The following CDH8 variants were observed in gnomAD, a reference collection of about 807,000 sequenced individuals.
CDH8 encodes cadherin 8.
In CDH8, 17 loss-of-function variants were observed where a neutral mutation model predicts 68.1. That is an observed-to-expected ratio of 0.25 (90% CI 0.17 to 0.37). The LOEUF is 0.37. CDH8 is among the 10% of genes least tolerant of loss of function. The probability of loss-of-function intolerance (pLI) is 1.00; values close to 1 mark genes in which losing one functional copy is unlikely to be tolerated. For synonymous variants in CDH8, 372 were observed against 365.1 expected (o/e 1.02, Z -0.21); for missense variants, 763 against 999.3 (o/e 0.76, Z 3.19).
At chr16:61,799,914 C>G (rs35056378) in intron 7 of CDH8, among the ~76,000 whole-genome samples, 5 of 151,928 alleles carry the variant, frequency 3.3e-5, no homozygotes, top group African/African-American at 7.2e-5. Context: ...TTTCCCCCCC[C>G]CAAAGACAAG....
chr16:61,905,068 T>A (rs906473927), intron 2 of CDH8, among the ~76,000 whole-genome samples: 1 of 152,252 alleles, frequency 6.6e-6, no homozygotes, highest in Non-Finnish European at 1.5e-5. Context: ...TTTTCCAGTC[T>A]GTAGAAAAAT....
chr16:61,917,062 A>AGTGTGTGTGTGTGT (rs57232370), intron 2 of CDH8, among the ~76,000 whole-genome samples: 4 of 137,390 alleles, frequency 2.9e-5, no homozygotes, highest in East Asian at 2.2e-4. Context: ...TTTACCTATT[A>AGTGTGTGTGTGTGT]GTGTGTGTGT....
intron 8 of CDH8, among the ~76,000 whole-genome samples, chr16:61,740,153 G>A (rs140663152): frequency 0.14 from 21,099 of 151,500 alleles, 1,722 homozygotes; most frequent in Non-Finnish European, 0.17. Flanking sequence ...TGGTCTGCCC[G>A]CCTTGGCCTC....
chr16:61,654,126 G>A (rs1461227328), intron 11 of CDH8, 25 bp from the exon 12 acceptor site: 1 of 1,593,506 alleles, frequency 6.3e-7, no homozygotes, highest in Non-Finnish European at 8.6e-7. Flanking sequence ...TTAAATAACA[G>A]TCAGCCAAAC....
At chr16:61,778,723 C>T (rs548887599) in intron 8 of CDH8, among the ~76,000 whole-genome samples, 24 of 152,096 alleles carry the variant, frequency 1.6e-4, no homozygotes, top group East Asian at 3.9e-4. Flanking sequence ...CGTTCACAGA[C>T]GAGGAAACTG....
At chr16:62,031,052 C>A (rs1902313459) in intron 1 of CDH8, among the ~76,000 whole-genome samples, 2 of 152,130 alleles carry the variant, frequency 1.3e-5, no homozygotes, top group Non-Finnish European at 2.9e-5. Context: ...CAACAATGTA[C>A]AGACATTGAG....
chr16:62,025,020 G>A (rs766827195), intron 1 of CDH8, among the ~76,000 whole-genome samples: 3 of 152,146 alleles, frequency 2.0e-5, no homozygotes, highest in Non-Finnish European at 2.9e-5. Context: ...TCACTGAAAC[G>A]TAGTCTTAGA....
intron 10 of CDH8, chr16:61,693,192 A>T (rs1459441100): frequency 6.6e-6 from 1 of 152,150 alleles, no homozygotes; most frequent in Admixed American, 6.5e-5. Flanking sequence ...AAAAAATAAA[A>T]GTATTTCCTT....
chr16:61,787,038 TTCATG>T (rs1186796569), intron 8 of CDH8, among the ~76,000 whole-genome samples: 1 of 138,844 alleles, frequency 7.2e-6, no homozygotes, highest in Non-Finnish European at 1.5e-5. Context: ...GGGCAAGGAC[TTCATG>T]TCCAAAACAC....
At chr16:61,707,558 T>A (rs979460818) in intron 10 of CDH8, among the ~76,000 whole-genome samples, 1 of 152,128 alleles carries the variant, frequency 6.6e-6, no homozygotes, top group Non-Finnish European at 1.5e-5. Context: ...TGCCAAATTA[T>A]TTTCCTGCCT....
chr16:61,747,650 A>C (rs750103500), intron 8 of CDH8, among the ~76,000 whole-genome samples: 5 of 151,918 alleles, frequency 3.3e-5, no homozygotes, highest in Non-Finnish European at 7.4e-5. Flanking sequence ...AAAAAGAAAA[A>C]CCTGCTAGAG....
chr16:61,791,491 G>A (rs79377872), intron 7 of CDH8, among the ~76,000 whole-genome samples: 52 of 152,054 alleles, frequency 3.4e-4, no homozygotes, highest in African/African-American at 1.2e-3. Flanking sequence ...ATGTCCAGAG[G>A]ATTAATTATC....
chr16:61,854,667 C>T (rs1963008604), intron 4 of CDH8, among the ~76,000 whole-genome samples: 1 of 152,114 alleles, frequency 6.6e-6, no homozygotes, highest in African/African-American at 2.4e-5. Flanking sequence ...TTTCCATATG[C>T]TTACAGACTT....
rs755943916 is a variant in CDH8 at position 62,014,512 on chromosome 16, C to A, written c.252+6640G>T. On this transcript the variant is annotated intron_variant, in intron 2 of 11. Transcript: ENST00000577390. ...CAAAGATACAATTAAGCTGTGACTG[C>A]GTAGTCCAACGCTCTTAACATGCAA... is the stretch of plus-strand genomic sequence containing the variant. Among the ~76,000 whole-genome samples, 6 of 152,134 alleles carry A rather than the reference C, an allele frequency of 3.9e-5. No individual in the cohort carries two copies. The South Asian group carries it at 6.2e-4, about 16-fold the overall frequency.
At chr16:61,854,279 A>G (rs977784366) in intron 4 of CDH8, among the ~76,000 whole-genome samples, 7 of 152,020 alleles carry the variant, frequency 4.6e-5, no homozygotes, top group Non-Finnish European at 8.8e-5. Flanking sequence ...CTCAGGATCC[A>G]AGTCAAGACC....
At chr16:61,807,485 C>A (rs1220061470) in intron 7 of CDH8, among the ~76,000 whole-genome samples, 1 of 151,212 alleles carries the variant, frequency 6.6e-6, no homozygotes, top group East Asian at 1.9e-4. Flanking sequence ...ATAAAAAAAA[C>A]AAAAAACAAA....
At chr16:61,849,903 A>G (rs936461673) in intron 4 of CDH8, among the ~76,000 whole-genome samples, 5 of 152,160 alleles carry the variant, frequency 3.3e-5, no homozygotes, top group Middle Eastern at 3.2e-3. Flanking sequence ...AAGTAATGAT[A>G]TTAGTGATAT....
At chr16:61,804,405 C>T (rs377116583) in intron 7 of CDH8, among the ~76,000 whole-genome samples, 9 of 151,730 alleles carry the variant, frequency 5.9e-5, no homozygotes, top group South Asian at 4.2e-4. Context: ...CACAATTAAA[C>T]GAACTAGAAA....
intron 2 of CDH8, among the ~76,000 whole-genome samples, chr16:61,990,992 A>T (rs1394604050): frequency 6.6e-6 from 1 of 151,998 alleles, no homozygotes; most frequent in Non-Finnish European, 1.5e-5. Flanking sequence ...GAAGGAAGAA[A>T]GGGAGGAAGG....
Sources: allele counts gnomAD v4.1 joint callset (sites outside exome capture counted in the v4.1 genomes callset), GRCh38; gene constraint gnomAD v4.1.1; transcripts MANE v1.5; gene names NCBI Gene and HGNC (gene_info 2026-07-23, HGNC 2026-07-21).